The following RBM20 variants were observed in gnomAD, a reference collection of about 807,000 sequenced individuals.
RBM20 encodes the protein RNA-binding protein 20.
In RBM20, 51 loss-of-function variants were observed where a neutral mutation model predicts 110.1. The observed-to-expected ratio is 0.46, with a 90% CI of 0.37 to 0.59. The LOEUF (loss-of-function observed/expected upper bound fraction) is 0.59. Ranked by LOEUF, RBM20 falls within the 20% of genes least tolerant of loss-of-function variation. RBM20 has a pLI of 0.00. For missense variants in RBM20, 1,512 were observed against 1,574.9 expected (o/e 0.96, Z 0.68); for synonymous variants, 589 against 618.2 (o/e 0.95, Z 0.70).
chr10:110,683,498 C>T (rs1862453121), intron 1 of RBM20, among the ~76,000 whole-genome samples: 1 of 152,196 alleles, frequency 6.6e-6, no homozygotes, highest in African/African-American at 2.4e-5. Context: ...GTTATTATCT[C>T]TCCCTATCCT....
chr10:110,665,895 C>A (rs1381278274), intron 1 of RBM20, among the ~76,000 whole-genome samples: 1 of 151,642 alleles, frequency 6.6e-6, no homozygotes, highest in South Asian at 2.1e-4. Context: ...ATGGGCAGAT[C>A]ACTTGAATCC....
At chr10:110,786,371 A>G (rs1224257669) in intron 5 of RBM20, among the ~76,000 whole-genome samples, 2 of 152,248 alleles carry the variant, frequency 1.3e-5, no homozygotes, top group Admixed American at 1.3e-4. Context: ...ATTGCAAAGC[A>G]TCAGGCCAGT....
intron 7 of RBM20, among the ~76,000 whole-genome samples, chr10:110,801,568 C>G (rs1844624573): frequency 6.6e-6 from 1 of 151,990 alleles, no homozygotes; most frequent in Non-Finnish European, 1.5e-5. Context: ...CGGAGTCTTG[C>G]TCTGTCACCA....
At chr10:110,690,674 G>T (rs925435731) in intron 1 of RBM20, among the ~76,000 whole-genome samples, 4 of 152,106 alleles carry the variant, frequency 2.6e-5, no homozygotes, top group Non-Finnish European at 5.9e-5. Context: ...ATTTCATTTA[G>T]CATCGTGTTT....
chr10:110,757,822 T>C (rs1429338597), intron 1 of RBM20, among the ~76,000 whole-genome samples: 2 of 152,042 alleles, frequency 1.3e-5, no homozygotes, highest in Non-Finnish European at 2.9e-5. Context: ...ATGGGGCCCA[T>C]GCTTAGACAT....
chr10:110,802,659 C>A (rs891145841), intron 7 of RBM20, among the ~76,000 whole-genome samples: 13 of 152,122 alleles, frequency 8.5e-5, no homozygotes, highest in Non-Finnish European at 1.8e-4. Context: ...TGGGGTGGTG[C>A]AAAAAACATG....
intron 9 of RBM20, among the ~76,000 whole-genome samples, chr10:110,817,105 C>G (rs914114778): frequency 6.6e-6 from 1 of 152,096 alleles, no homozygotes; most frequent in Non-Finnish European, 1.5e-5. Context: ...AGGGAGGGTT[C>G]GAGAGTGGCA....
In RBM20 at chr10:110,781,701, C is replaced by T. The variant is rs1233226046; in HGVS notation, c.1092C>T (p.Phe364=). ...CCTCAGACAGGACACCTCCTTCCTT[C>T]GGGGGTCGGCTTAACAACAGCAAAC... ...EPTSDRTPPS[F]GGRLNNSKQG... Residue 364 remains phenylalanine, a synonymous_variant, in exon 2 of 14, where the codon TTC becomes TTT. Coordinates refer to ENST00000369519, the MANE Select transcript of RBM20 (RefSeq NM_001134363.3). 3.2e-6 allele frequency: 5 copies of T among 1,550,486 alleles called. No individual in the cohort carries two copies. The highest frequency in any genetic ancestry group is 3.9e-5 in the Admixed American group (2 of 50,946).
intron 9 of RBM20, among the ~76,000 whole-genome samples, chr10:110,816,430 A>G (rs907529390): frequency 1.4e-5 from 2 of 146,902 alleles, no homozygotes; most frequent in Non-Finnish European, 3.0e-5. Flanking sequence ...ACTGCAGACC[A>G]TCTCAACACC....
At chr10:110,679,530 T>G (rs942642738) in intron 1 of RBM20, among the ~76,000 whole-genome samples, 12 of 152,248 alleles carry the variant, frequency 7.9e-5, no homozygotes, top group African/African-American at 2.9e-4. Flanking sequence ...CTCTTCTTGT[T>G]AATAATTATC....
intron 1 of RBM20, among the ~76,000 whole-genome samples, chr10:110,683,031 TATG>T (rs757452921): frequency 1.2e-4 from 19 of 152,132 alleles, no homozygotes; most frequent in Non-Finnish European, 1.9e-4. Flanking sequence ...CTTTTTGGGT[TATG>T]ATGATCACAA....
intron 5 of RBM20, among the ~76,000 whole-genome samples, chr10:110,788,188 C>G (rs534913834): frequency 6.6e-6 from 1 of 152,176 alleles, no homozygotes; most frequent in African/African-American, 2.4e-5. Flanking sequence ...TGCTGTGATC[C>G]TCCTCTTTAG....
chr10:110,779,103 C>T lies in RBM20; in HGVS notation c.192-1698C>T, dbSNP rs184607705. On this transcript the variant is annotated intron_variant, in intron 1 of 13. Transcript: ENST00000369519. ...ATAAAACTCCAAAAGTCTTTGGAAT[C>T]GGATAAATATCTTTTTGTATGCTAA... 7.2e-5 allele frequency among the ~76,000 whole-genome samples: 11 copies of T among 152,294 alleles called. No individual in the cohort carries two copies. The South Asian group carries it at 1.5e-3, about 20-fold the overall frequency.
chr10:110,802,067 T>G (rs1453276491), intron 7 of RBM20, among the ~76,000 whole-genome samples: 2 of 152,216 alleles, frequency 1.3e-5, no homozygotes, highest in African/African-American at 4.8e-5. Flanking sequence ...TAATGCTGTA[T>G]TAGTGTTTGA....
chr10:110,806,150 C>A (rs1202276272), intron 7 of RBM20, among the ~76,000 whole-genome samples: 1 of 151,970 alleles, frequency 6.6e-6, no homozygotes, highest in Non-Finnish European at 1.5e-5. Flanking sequence ...CACCTGTAAT[C>A]CCAGATGCTT....
chr10:110,699,064 A>G (rs1400238734), intron 1 of RBM20, among the ~76,000 whole-genome samples: 1 of 152,178 alleles, frequency 6.6e-6, no homozygotes, highest in Non-Finnish European at 1.5e-5. Flanking sequence ...TGCTTTGGCC[A>G]GCCAAGTCAT....
At chr10:110,687,572 G>A (rs1382649526) in intron 1 of RBM20, among the ~76,000 whole-genome samples, 1 of 152,200 alleles carries the variant, frequency 6.6e-6, no homozygotes, top group East Asian at 1.9e-4. Context: ...AGTTTTCCCA[G>A]TTAATTAGTA....
intron 1 of RBM20, among the ~76,000 whole-genome samples, chr10:110,758,333 A>G (rs912010601): frequency 6.6e-6 from 1 of 152,062 alleles, no homozygotes; most frequent in Non-Finnish European, 1.5e-5. Context: ...CCCTGTTCCT[A>G]TGGAGCTTAT....
chr10:110,833,288 C>G (rs1169687305), intron 13 of RBM20, among the ~76,000 whole-genome samples: 1 of 148,570 alleles, frequency 6.7e-6, no homozygotes, highest in Non-Finnish European at 1.5e-5. Context: ...ACTCAGGAGG[C>G]TGAGGTAGGA....
Sources: allele counts gnomAD v4.1 joint callset (sites outside exome capture counted in the v4.1 genomes callset), GRCh38; gene constraint gnomAD v4.1.1; transcripts MANE v1.5; gene names NCBI Gene and HGNC (gene_info 2026-07-23, HGNC 2026-07-21).